The following TAF1D variants were observed in gnomAD, a reference collection of about 807,000 sequenced individuals.
The protein encoded by TAF1D is TATA-box binding protein associated factor, RNA polymerase I subunit D, also known as TATA box-binding protein-associated factor RNA polymerase I subunit D.
A neutral mutation model predicts 26.2 loss-of-function variants in TAF1D; 23 were observed. That is an observed-to-expected ratio of 0.88 (90% CI 0.63 to 1.25). The LOEUF (loss-of-function observed/expected upper bound fraction) is 1.25. TAF1D is among the 50% of genes most tolerant of loss of function. The probability of loss-of-function intolerance (pLI) is 0.00; values close to 1 mark genes in which losing one functional copy is unlikely to be tolerated. For missense variants in TAF1D, 299 were observed against 322.0 expected, an observed-to-expected ratio of 0.93 and a Z score of 0.55; for synonymous variants, 100 against 105.6, an observed-to-expected ratio of 0.95 and a Z score of 0.33.
In TAF1D at chr11:93,736,263, C is replaced by G. The variant is rs772269957; in HGVS notation, c.735G>C (p.Leu245=). ...TATCCTCTTCTTCTAAGTATACACT[C>G]AGTCTTACAGGGAATTCAGAACTTA... ...FIVSSEFPVR[L]SVYLEEEDIT... is the part of the protein sequence containing the mutation. Residue 245 remains leucine, a synonymous_variant, in exon 6 of 6, where the codon CTG becomes CTC. Coordinates refer to ENST00000448108, the MANE Select transcript of TAF1D (RefSeq NM_024116.4). 11 of 1,612,108 alleles carry G rather than the reference C, an allele frequency of 6.8e-6. No homozygotes were observed. The highest frequency in any genetic ancestry group is 8.5e-6 in the Non-Finnish European group (10 of 1,179,538).
chr11:93,736,285 C>T lies in TAF1D; in HGVS notation c.713G>A (p.Ser238Asn), dbSNP rs1167907780. 6.2e-7 allele frequency: 1 copy of T among 1,608,134 alleles called. No individual in the cohort carries two copies. The highest frequency in any genetic ancestry group is 8.5e-7 in the Non-Finnish European group (1 of 1,178,542). ...IKLAGDSFIV[S>N]SEFPVRLSVY... is the part of the protein sequence containing the mutation. ...ACTCAGTCTTACAGGGAATTCAGAA[C>T]TTACTATGAAACTATCCCCCTGCAT... The change falls in exon 6 of 6, where the codon AGT becomes AAT. Residue 238 changes from serine to asparagine, a missense_variant. Physicochemically the swap from Ser to Asn is conservative, Grantham distance 46 (BLOSUM62 1). Transcript: ENST00000448108.
rs200535494 is a variant in TAF1D, at chr11:93,737,258, A to G, written c.460-19T>C. 1.4e-4 allele frequency: 217 copies of G among 1,547,874 alleles called. 1 individual carries two copies. The South Asian group carries it at 1.4e-3, about 10-fold the overall frequency. On this transcript the variant is annotated intron_variant, in intron 3 of 5. Coordinates refer to ENST00000448108, the MANE Select transcript of TAF1D (RefSeq NM_024116.4). Reference sequence around the variant, plus strand: ...CAGCTTGCTATATATTAAAAACACCATAAGTATGTCGAGATTTTATTTTTA... The same window carrying G: ...CAGCTTGCTATATATTAAAAACACCGTAAGTATGTCGAGATTTTATTTTTA...
At chr11:93,734,410 T>C (rs755915953), downstream of TAF1D, 14 of 291,994 alleles carry the variant, frequency 4.8e-5, no homozygotes, top group Non-Finnish European at 9.6e-5. Flanking sequence ...TGCTACAAAC[T>C]AACAAATTCA....
intron 1 of TAF1D, among the ~76,000 whole-genome samples, chr11:93,741,026 C>T (rs1013774463): frequency 6.6e-6 from 1 of 152,228 alleles, no homozygotes; most frequent in Admixed American, 6.5e-5. Flanking sequence ...ATGGGTACCT[C>T]ACATACGAAG....
downstream of TAF1D, chr11:93,734,779 A>G (rs1351224252): frequency 2.4e-6 from 3 of 1,257,622 alleles, no homozygotes; most frequent in Non-Finnish European, 3.1e-6. Flanking sequence ...CCTGGAATCA[A>G]CCTTTTTTTC....
Position 93,737,089 on chromosome 11 carries a change from A to C in TAF1D, c.610T>G (p.Ser204Ala), listed in dbSNP as rs1940964365. 1 of 1,607,468 alleles carries C rather than the reference A, an allele frequency of 6.2e-7. No individual in the cohort carries two copies. The highest frequency in any genetic ancestry group is 1.3e-5 in the African/African-American group (1 of 74,714). Residue 204 changes from serine to alanine, a missense_variant, in exon 4 of 6, where the codon TCC becomes GCC. Transcript: ENST00000448108. The part of the protein sequence containing the change: ...RRYKFLDDDG[S>A]ISPIEESTAE... ...GTTGACTCCTCAATAGGAGAAATGG[A>C]TCCATCATCATCCAAAAATTTGTAT... is the stretch of plus-strand genomic sequence containing the variant.
intron 2 of TAF1D, 95 bp downstream of exon 2, chr11:93,739,142 C>T: frequency 1.0e-6 from 1 of 999,362 alleles, no homozygotes; most frequent in Non-Finnish European, 1.5e-6. Flanking sequence ...AGTTTTCCTT[C>T]TTTCCCAATT....
At chr11:93,739,353 A>C in intron 1 of TAF1D, 22 bp from the exon 2 acceptor site, 1 of 1,536,364 alleles carries the variant, frequency 6.5e-7, no homozygotes, top group Non-Finnish European at 8.9e-7. Context: ...AAATTTAGTA[A>C]ATATGACAAA....
downstream of TAF1D, chr11:93,730,893 G>C: frequency 4.3e-6 from 2 of 459,990 alleles, no homozygotes; most frequent in East Asian, 5.5e-5. Flanking sequence ...AAGAGATCTA[G>C]GAGAATTTTC....
exon 12 of TAF1D, chr11:93,730,336 T>C: frequency 8.7e-7 from 1 of 1,145,630 alleles, no homozygotes; most frequent in African/African-American, 1.5e-5. Flanking sequence ...TTATTTAAAG[T>C]CAATAAATTG....
At position 93,739,295 on chromosome 11, in the gene TAF1D, AT is replaced by A; in HGVS notation, c.9del (p.Lys3AsnfsTer4). On this transcript the variant is annotated frameshift_variant, in exon 2 of 6. Coordinates refer to ENST00000448108, the MANE Select transcript of TAF1D (RefSeq NM_024116.4). LOFTEE classifies it high-confidence loss of function. MD[K>X]SGIDSLDHVT... ...ACATGGTCAAGAGAATCTATTCCTG[AT>A]TTATCCATCAATTGCTCTTTGTTTT... 1 of 1,609,090 alleles carries A rather than the reference AT, an allele frequency of 6.2e-7. No individual in the cohort carries two copies. The highest frequency in any genetic ancestry group is 8.5e-7 in the Non-Finnish European group (1 of 1,178,948).
At chr11:93,739,444 C>G in intron 1 of TAF1D, 113 bp from the exon 2 acceptor site, 1 of 621,498 alleles carries the variant, frequency 1.6e-6, no homozygotes. Flanking sequence ...AAATCATTTA[C>G]CAAGGTTAAG....
At chr11:93,734,448 G>T (rs186766723), downstream of TAF1D, 2 of 333,856 alleles carry the variant, frequency 6.0e-6, no homozygotes, top group African/African-American at 4.3e-5. Context: ...CAACTAAAAT[G>T]AATCTGACAC....
chr11:93,739,366 T>G (rs529645415), intron 1 of TAF1D, 35 bp from the exon 2 acceptor site: 5 of 1,462,646 alleles, frequency 3.4e-6, no homozygotes, highest in African/African-American at 1.4e-5. Flanking sequence ...ATGACAAAGC[T>G]TCCCTAAATA....
chr11:93,733,036 A>G (rs1457500243), downstream of TAF1D: 1 of 337,680 alleles, frequency 3.0e-6, no homozygotes, highest in South Asian at 2.3e-5. Context: ...TGTAATTTCT[A>G]TTTTTCATCT....
chr11:93,731,126 G>C (rs1458197911), downstream of TAF1D: 1 of 495,696 alleles, frequency 2.0e-6, no homozygotes, highest in Non-Finnish European at 3.9e-6. Context: ...ATAACTTATA[G>C]TTAAGATAAA....
intron 1 of TAF1D, among the ~76,000 whole-genome samples, chr11:93,739,844 A>G (rs1362384308): frequency 2.0e-5 from 3 of 151,176 alleles, no homozygotes; most frequent in Non-Finnish European, 4.4e-5. Flanking sequence ...GAACTTTGTC[A>G]TATTGTATCT....
intron 5 of TAF1D, 73 bp downstream of exon 5, chr11:93,736,615 AAAAACT>A: frequency 6.4e-7 from 1 of 1,552,000 alleles, no homozygotes; most frequent in East Asian, 2.3e-5. Flanking sequence ...AGTGTAAGAG[AAAAACT>A]AAATATAATT....
downstream of TAF1D, chr11:93,734,708 T>G (rs1940297939): frequency 7.8e-7 from 1 of 1,286,200 alleles, no homozygotes; most frequent in South Asian, 1.2e-5. Flanking sequence ...GAAATTGGAA[T>G]GCAAAATTAA....
Sources: gnomAD v4.1 joint callset for allele counts (sites outside exome capture counted in the v4.1 genomes callset) on GRCh38, gnomAD v4.1.1 for gene constraint, MANE v1.5 for transcripts, NCBI Gene and HGNC (gene_info 2026-07-23, HGNC 2026-07-21) for gene names.